Variants in TBL1XR1 observed in about 807,000 individuals in gnomAD.
The protein encoded by TBL1XR1 is TBL1X/Y related 1, also known as F-box-like/WD repeat-containing protein TBL1XR1.
In TBL1XR1, 5 loss-of-function variants were observed where a neutral mutation model predicts 66.9. That is an observed-to-expected ratio of 0.07 (90% confidence interval 0.04 to 0.16). The LOEUF is 0.16. Among genes scored for constraint, TBL1XR1 ranks in the 10% least tolerant of loss-of-function variants. The pLI is 1.00. For synonymous variants in TBL1XR1, 210 were observed against 206.0 expected (o/e 1.02, Z -0.17); for missense variants, 238 against 623.2 (o/e 0.38, Z 6.58).
chr3:177,111,905 C>T (rs1044066981), intron 1 of TBL1XR1, among the ~76,000 whole-genome samples: 2 of 150,970 alleles, frequency 1.3e-5, no homozygotes, highest in Non-Finnish European at 2.9e-5. Flanking sequence ...TGGTCTTAGG[C>T]CTACAACTTA....
At chr3:177,187,365 A>G (rs1735549538) in intron 1 of TBL1XR1, among the ~76,000 whole-genome samples, 1 of 149,736 alleles carries the variant, frequency 6.7e-6, no homozygotes, top group South Asian at 2.1e-4. Context: ...ATTGCACTCC[A>G]GTCTGGACAA....
intron 1 of TBL1XR1, among the ~76,000 whole-genome samples, chr3:177,172,274 A>T (rs1469156661): frequency 6.6e-6 from 1 of 151,764 alleles, no homozygotes; most frequent in East Asian, 1.9e-4. Flanking sequence ...AAAAAAAAAA[A>T]AAAAAATTAT....
At chr3:177,140,129 C>T (rs776649187) in intron 1 of TBL1XR1, among the ~76,000 whole-genome samples, 43 of 152,182 alleles carry the variant, frequency 2.8e-4, no homozygotes, top group Non-Finnish European at 4.4e-4. Flanking sequence ...GATGAAACCA[C>T]GTCTCTATTA....
chr3:177,168,662 T>C (rs1733111100), intron 1 of TBL1XR1, among the ~76,000 whole-genome samples: 1 of 152,200 alleles, frequency 6.6e-6, no homozygotes, highest in Non-Finnish European at 1.5e-5. Context: ...CATGAAAGGA[T>C]GTGAACATAA....
In TBL1XR1 at chr3:177,019,541, C is replaced by A. The variant is rs575204467; in HGVS notation, c.*5957G>T. ...TCATTGATGACAAAGCACTTTGGTA[C>A]AGCAGAGAAAAGCACCATAAAACTA... On this transcript the variant is annotated 3_prime_UTR_variant, in exon 16 of 16. Transcript: ENST00000457928. The A allele has an allele frequency of 6.6e-6, 1 of 152,242 alleles. No homozygotes were observed. Among genetic ancestry groups the A allele is most frequent in the East Asian group, 1.9e-4 (1 of 5,182 alleles). 9.4% of individuals were successfully genotyped at this position (152,242 alleles called of 1,614,324 possible).
At chr3:177,092,759 C>T (rs1722998633) in intron 2 of TBL1XR1, among the ~76,000 whole-genome samples, 1 of 151,732 alleles carries the variant, frequency 6.6e-6, no homozygotes, top group Non-Finnish European at 1.5e-5. Flanking sequence ...TCCAGCAATC[C>T]CTCTTCTGAG....
intron 1 of TBL1XR1, among the ~76,000 whole-genome samples, chr3:177,145,949 A>G (rs1001150164): frequency 5.3e-5 from 8 of 152,232 alleles, no homozygotes; most frequent in Non-Finnish European, 8.8e-5. Context: ...CCTCCAAACA[A>G]AAGTAATTTG....
At chr3:177,028,768 A>G (rs1713518948) in intron 14 of TBL1XR1, among the ~76,000 whole-genome samples, 1 of 152,238 alleles carries the variant, frequency 6.6e-6, no homozygotes, top group East Asian at 1.9e-4. Flanking sequence ...CAAGAACAGA[A>G]AAACAGTTTT....
At chr3:177,066,428 G>C (rs991801665) in intron 2 of TBL1XR1, among the ~76,000 whole-genome samples, 1 of 152,166 alleles carries the variant, frequency 6.6e-6, no homozygotes, top group Non-Finnish European at 1.5e-5. Flanking sequence ...TTGGGGAAGG[G>C]AGGGAGTGAA....
intron 1 of TBL1XR1, among the ~76,000 whole-genome samples, chr3:177,156,601 C>A: frequency 6.7e-6 from 1 of 148,550 alleles, no homozygotes. Context: ...AAAATTCTGA[C>A]AAAACACTTG....
chr3:177,090,682 G>A (rs900205690), intron 2 of TBL1XR1, among the ~76,000 whole-genome samples: 8 of 152,074 alleles, frequency 5.3e-5, no homozygotes, highest in Admixed American at 1.3e-4. Flanking sequence ...ATGGTGGCAC[G>A]CACCTGTAGT....
At position 177,095,653 on chromosome 3, in the gene TBL1XR1, T is replaced by C. The variant is rs562258170; in HGVS notation, c.-46+2813A>G. Among the ~76,000 whole-genome samples, 5 of 152,218 alleles carry C rather than the reference T, an allele frequency of 3.3e-5. No homozygotes were observed. In the South Asian group the frequency reaches 1.0e-3, roughly 32 times the overall value. On this transcript the variant is annotated intron_variant, in intron 2 of 15. Coordinates refer to ENST00000457928, the MANE Select transcript of TBL1XR1 (RefSeq NM_024665.7). ...CGCCACCACGCCTGGCTAATTTTTG[T>C]ATTTTTAGTAGAGATGGGGTTTCAC...
chr3:177,043,183 T>C (rs1715838615), intron 10 of TBL1XR1, among the ~76,000 whole-genome samples: 1 of 152,170 alleles, frequency 6.6e-6, no homozygotes, highest in African/African-American at 2.4e-5. Context: ...AGTTATCGGA[T>C]AATCTTCAAA....
intron 1 of TBL1XR1, among the ~76,000 whole-genome samples, chr3:177,173,378 C>T (rs966700685): frequency 1.3e-5 from 2 of 152,046 alleles, no homozygotes; most frequent in Admixed American, 6.6e-5. Context: ...AATTTCAGAG[C>T]GAAGGAACTT....
intron 1 of TBL1XR1, among the ~76,000 whole-genome samples, chr3:177,107,056 A>G (rs1724976259): frequency 6.6e-6 from 1 of 152,222 alleles, no homozygotes; most frequent in African/African-American, 2.4e-5. Flanking sequence ...CACTCTTCAC[A>G]ACTAAACAGC....
In TBL1XR1 at chr3:177,156,546, CACTT is replaced by C. The variant is rs1254188088; in HGVS notation, c.-122+40571_-122+40574del. 9.3e-5 allele frequency among the ~76,000 whole-genome samples: 13 copies of C among 140,000 alleles called. No individual in the cohort carries two copies. The East Asian group carries it at 1.2e-3, about 13-fold the overall frequency. 91.8% of individuals were successfully genotyped at this position (140,000 alleles called of 152,430 possible). A position where few individuals can be genotyped will look rare whatever the true frequency, so the allele number is the denominator to read the frequency against. ...ACACACACACACACACACACACACA[CACTT>C]ATATATATATACACACACATACATT... On this transcript the variant is annotated intron_variant, in intron 1 of 15. Transcript: ENST00000457928.
chr3:177,144,101 T>G lies in TBL1XR1; in HGVS notation c.-121-45560A>C, dbSNP rs200916672. Among the ~76,000 whole-genome samples, 11 of 152,054 alleles carry G rather than the reference T, an allele frequency of 7.2e-5. No individual in the cohort carries two copies. The East Asian group carries it at 1.6e-3, about 21-fold the overall frequency. ...TCTCTACTAAAAATACAAAATTAGC[T>G]GGGCATGGTGCTATATGCCTGTAAT... On this transcript the variant is annotated intron_variant, in intron 1 of 15. Transcript: ENST00000457928.
At chr3:177,031,332 T>TA (rs1404940031) in intron 14 of TBL1XR1, among the ~76,000 whole-genome samples, 1 of 151,676 alleles carries the variant, frequency 6.6e-6, no homozygotes. Context: ...CATTTTTACT[T>TA]AATTTTTATT....
chr3:177,075,240 C>A (rs1356086724), intron 2 of TBL1XR1, among the ~76,000 whole-genome samples: 1 of 152,218 alleles, frequency 6.6e-6, no homozygotes, highest in African/African-American at 2.4e-5. Flanking sequence ...TTAGTCTCTG[C>A]CTCCATTTTC....
Sources: allele counts gnomAD v4.1 joint callset (sites outside exome capture counted in the v4.1 genomes callset), GRCh38; gene constraint gnomAD v4.1.1; transcripts MANE v1.5; gene names NCBI Gene and HGNC (gene_info 2026-07-23, HGNC 2026-07-21).